SLC1A2: variants seen among roughly 807,000 people sequenced by gnomAD.
SLC1A2 encodes the protein excitatory amino acid transporter 2.
In SLC1A2, 15 loss-of-function variants were observed where a neutral mutation model predicts 48.8. The ratio of observed to expected loss-of-function variants is 0.31; its 90% confidence interval spans 0.21 to 0.47. The LOEUF (loss-of-function observed/expected upper bound fraction) is 0.47, where lower values mean the gene tolerates loss of function less well. SLC1A2 is among the 20% of genes least tolerant of loss of function. The pLI is 0.99. For synonymous variants in SLC1A2, 279 were observed against 272.6 expected, an observed-to-expected ratio of 1.02 and a Z score of -0.23; for missense variants, 502 against 730.5, an observed-to-expected ratio of 0.69 and a Z score of 3.61.
At chr11:35,262,559 G>T (rs1327467257) in intron 10 of SLC1A2, among the ~76,000 whole-genome samples, 3 of 152,206 alleles carry the variant, frequency 2.0e-5, no homozygotes, top group Non-Finnish European at 2.9e-5. Context: ...GTGGGAAATA[G>T]TGAGACAGAA....
chr11:35,336,971 T>C (rs1852658037), intron 1 of SLC1A2, among the ~76,000 whole-genome samples: 1 of 152,160 alleles, frequency 6.6e-6, no homozygotes, highest in African/African-American at 2.4e-5. Context: ...TTCCACAACA[T>C]TTTTTAACTC....
intron 1 of SLC1A2, among the ~76,000 whole-genome samples, chr11:35,328,729 C>T (rs896248599): frequency 6.6e-6 from 1 of 152,156 alleles, no homozygotes; most frequent in Non-Finnish European, 1.5e-5. Flanking sequence ...TGGGAAGGAT[C>T]CCAGAGAGAA....
At chr11:35,367,555 A>AGAGG (rs2135152368) in intron 1 of SLC1A2, among the ~76,000 whole-genome samples, 1 of 61,124 alleles carries the variant, frequency 1.6e-5, no homozygotes, top group East Asian at 2.1e-3. Context: ...CCAAAATGTC[A>AGAGG]GAAGACTGTT....
intron 8 of SLC1A2, among the ~76,000 whole-genome samples, chr11:35,282,242 A>C (rs1042407591): frequency 6.6e-6 from 1 of 152,030 alleles, no homozygotes; most frequent in African/African-American, 2.4e-5. Context: ...AGAGCACTCC[A>C]ATTTCCTTGA....
intron 1 of SLC1A2, among the ~76,000 whole-genome samples, chr11:35,355,158 C>G (rs1853411735): frequency 6.6e-6 from 1 of 152,168 alleles, no homozygotes; most frequent in Admixed American, 6.5e-5. Flanking sequence ...TCCCTTGTGG[C>G]AGGCCCCTTT....
chr11:35,299,169 C>A (rs1851264411), intron 6 of SLC1A2: 1 of 152,198 alleles, frequency 6.6e-6, no homozygotes, highest in Non-Finnish European at 1.5e-5. Flanking sequence ...GAAACCCTAT[C>A]TCTACTAAAG....
Position 35,315,175 on chromosome 11 carries a change from C to T in SLC1A2, c.158G>A (p.Gly53Asp). 1.2e-6 allele frequency: 2 copies of T among 1,612,782 alleles called. No homozygotes were observed. Among genetic ancestry groups the T allele is most frequent in the Non-Finnish European group, 1.7e-6 (2 of 1,179,110 alleles). Residue 53 changes from glycine (G) to aspartate (D), a missense_variant and splice_region_variant, in exon 3 of 11, where the codon GGT becomes GAT. By Grantham distance (94) the Gly-to-Asp change is moderately conservative. Transcript: ENST00000278379. ...TCCACACACTGCTCCCAGGATGACA[C>T]CTAAAAGGAAGGGGAAAACAATATG... The part of the protein sequence containing the change: ...KNLLLTLTVF[G>D]VILGAVCGGL...
chr11:35,365,879 C>T (rs920176469), intron 1 of SLC1A2, among the ~76,000 whole-genome samples: 3 of 152,228 alleles, frequency 2.0e-5, no homozygotes, highest in Non-Finnish European at 4.4e-5. Context: ...CCTAGGAACA[C>T]GTGGCAACAC....
chr11:35,261,714 C>T (rs535884655), intron 10 of SLC1A2: 77 of 398,528 alleles, frequency 1.9e-4, no homozygotes, highest in Admixed American at 1.3e-4. Flanking sequence ...CTTAAACCCA[C>T]GACTGATATT....
intron 1 of SLC1A2, among the ~76,000 whole-genome samples, chr11:35,368,302 T>G (rs891171825): frequency 6.6e-6 from 1 of 152,220 alleles, no homozygotes; most frequent in African/African-American, 2.4e-5. Flanking sequence ...GCTTGTCAGC[T>G]GCAGGTCTGA....
intron 1 of SLC1A2, among the ~76,000 whole-genome samples, chr11:35,416,406 G>A (rs1441398588): frequency 2.0e-5 from 3 of 152,172 alleles, no homozygotes; most frequent in African/African-American, 7.2e-5. Context: ...GTCTATTTTT[G>A]TTGGACTGCC....
intron 1 of SLC1A2, among the ~76,000 whole-genome samples, chr11:35,321,741 G>A (rs1195943703): frequency 2.0e-5 from 3 of 152,166 alleles, no homozygotes; most frequent in Non-Finnish European, 4.4e-5. Flanking sequence ...CCATGGCAAT[G>A]AGCAGAAAGT....
intron 9 of SLC1A2, among the ~76,000 whole-genome samples, chr11:35,275,295 A>C (rs1205195409): frequency 1.3e-5 from 2 of 152,182 alleles, no homozygotes; most frequent in African/African-American, 2.4e-5. Context: ...CTTATGTGAG[A>C]ATTAGGCCAT....
At chr11:35,323,333 A>T (rs1353859210) in intron 1 of SLC1A2, 1 of 157,406 alleles carries the variant, frequency 6.4e-6, no homozygotes, top group Non-Finnish European at 1.4e-5. Context: ...TCAGGGGAAA[A>T]GTATGAGGAT....
chr11:35,300,015 T>G (rs1460476173), intron 6 of SLC1A2, among the ~76,000 whole-genome samples: 5 of 152,190 alleles, frequency 3.3e-5, no homozygotes, highest in African/African-American at 1.2e-4. Context: ...GCTTTCTGTC[T>G]GATGGATATG....
intron 1 of SLC1A2, among the ~76,000 whole-genome samples, chr11:35,377,344 A>C: frequency 6.6e-6 from 1 of 152,196 alleles, no homozygotes; most frequent in East Asian, 1.9e-4. Context: ...TGGACTGGCT[A>C]TCTCTGTCAA....
intron 1 of SLC1A2, among the ~76,000 whole-genome samples, chr11:35,383,979 A>G (rs1432286698): frequency 6.6e-6 from 1 of 152,196 alleles, no homozygotes; most frequent in East Asian, 1.9e-4. Flanking sequence ...TGGAGTACTG[A>G]CAGTTAACAA....
In SLC1A2 at chr11:35,257,195, G is replaced by T. The variant is rs146767173; in HGVS notation, c.*3699C>A. 1 of 152,228 alleles carries T rather than the reference G, an allele frequency of 6.6e-6. No individual in the cohort carries two copies. The highest frequency in any genetic ancestry group is 1.5e-5 in the Non-Finnish European group (1 of 68,010). 9.4% of individuals were successfully genotyped at this position (152,228 alleles called of 1,614,324 possible). Reference sequence around the variant, plus strand: ...CCACACACAAGTGGAAATGACCAGAGACCCTCTAATCAACAGGTCATTGAG... The same window carrying T: ...CCACACACAAGTGGAAATGACCAGATACCCTCTAATCAACAGGTCATTGAG... On this transcript the variant is annotated 3_prime_UTR_variant, in exon 11 of 11. Coordinates refer to ENST00000278379, the MANE Select transcript of SLC1A2 (RefSeq NM_004171.4).
Position 35,254,657 on chromosome 11 carries a change from C to G in SLC1A2, c.*6237G>C, listed in dbSNP as rs1329926045. On this transcript the variant is annotated 3_prime_UTR_variant, in exon 11 of 11. Coordinates refer to ENST00000278379, the MANE Select transcript of SLC1A2 (RefSeq NM_004171.4). ...TGAGGATGATGACAAGGCTAACAGT[C>G]AGTTGTCAGGTTTCAACACTCACCC... is the stretch of plus-strand genomic sequence containing the variant. 1.3e-5 allele frequency: 5 copies of G among 388,172 alleles called. No homozygotes were observed. The highest frequency in any genetic ancestry group is 2.0e-5 in the Non-Finnish European group (4 of 198,358). The allele number at this position is 388,172 out of a possible 1,614,324, so 24.0% of individuals were successfully genotyped here.
Sources: allele counts gnomAD v4.1 joint callset (sites outside exome capture counted in the v4.1 genomes callset), GRCh38; gene constraint gnomAD v4.1.1; transcripts MANE v1.5; gene names NCBI Gene and HGNC (gene_info 2026-07-23, HGNC 2026-07-21).